C6orf132: variants seen among roughly 807,000 people sequenced by gnomAD.
C6orf132 encodes the protein uncharacterized protein C6orf132.
In C6orf132, 43 loss-of-function variants were observed where a neutral mutation model predicts 65.3. That is an observed-to-expected ratio of 0.66 (90% confidence interval 0.52 to 0.85). C6orf132 has a LOEUF of 0.85. Among genes scored for constraint, C6orf132 ranks in the 40% least tolerant of loss-of-function variants. The probability of loss-of-function intolerance (pLI) is 0.00; values close to 1 mark genes in which losing one functional copy is unlikely to be tolerated. For synonymous variants in C6orf132, 631 were observed against 654.1 expected (o/e 0.96, Z 0.54); for missense variants, 1,488 against 1,548.8 (o/e 0.96, Z 0.66).
rs1766739125 is a variant in C6orf132, at chr6:42,124,767, A to G, written c.252+3905T>C. Reference sequence around the variant, plus strand: ...CCTTCTGGCCTTCTGTCCCTGCTGAAAGAAAGCAAAGGACCTGGCTAGGGC... The same window carrying G: ...CCTTCTGGCCTTCTGTCCCTGCTGAGAGAAAGCAAAGGACCTGGCTAGGGC... On this transcript the variant is annotated intron_variant, in intron 2 of 4. Coordinates refer to ENST00000341865, the MANE Select transcript of C6orf132 (RefSeq NM_001164446.3). The surrounding 1 kb of genome is among the most constrained non-coding windows in gnomAD (Gnocchi z 4.0). 6.6e-6 allele frequency among the ~76,000 whole-genome samples: 1 copy of G among 152,204 alleles called. No individual in the cohort carries two copies. Among genetic ancestry groups the G allele is most frequent in the Non-Finnish European group, 1.5e-5 (1 of 68,032 alleles).
Position 42,101,568 on chromosome 6 carries a change from T to A in C6orf132, c.*2193A>T. On this transcript the variant is annotated 3_prime_UTR_variant, in exon 5 of 5. Coordinates refer to ENST00000341865, the MANE Select transcript of C6orf132 (RefSeq NM_001164446.3). ...GGAGGCCAGTCCAAACTGGCCTGTTTATCTTCCAAGTCAAGTGAGACTCAG... is the reference window on the plus strand; with the variant it reads ...GGAGGCCAGTCCAAACTGGCCTGTTAATCTTCCAAGTCAAGTGAGACTCAG... 1 of 152,240 alleles carries A rather than the reference T, an allele frequency of 6.6e-6. No homozygotes were observed. Among genetic ancestry groups the A allele is most frequent in the East Asian group, 1.9e-4 (1 of 5,194 alleles). 9.4% of individuals were successfully genotyped at this position (152,240 alleles called of 1,614,324 possible). A position where few individuals can be genotyped will look rare whatever the true frequency, so the allele number is the denominator to read the frequency against.
chr6:42,117,534 G>A (rs1026088786), intron 2 of C6orf132, among the ~76,000 whole-genome samples: 1 of 152,162 alleles, frequency 6.6e-6, no homozygotes, highest in Non-Finnish European at 1.5e-5. Flanking sequence ...CTCGGTGATG[G>A]CTGCTTCTTT....
chr6:42,107,847 CAGA>C (rs1766438456), intron 3 of C6orf132, among the ~76,000 whole-genome samples: 1 of 152,070 alleles, frequency 6.6e-6, no homozygotes, highest in Non-Finnish European at 1.5e-5. Flanking sequence ...TTTGCCTCCC[CAGA>C]GTCACCCTCT....
In C6orf132 at chr6:42,104,924, A is replaced by C; in HGVS notation, c.2988T>G (p.Pro996=). ...IPPPPEFSND[P]EPPAPALQYL... is the part of the protein sequence containing the mutation. The stretch of plus-strand genomic sequence containing the variant: ...ACTGGAGGGCCGGGGCCGGGGGCTC[A>C]GGGTCATTGCTGAACTCTGGCGGCG... The change falls in exon 4 of 5, where the codon CCT becomes CCG. Residue 996 remains proline, a synonymous_variant. Coordinates refer to ENST00000341865, the MANE Select transcript of C6orf132 (RefSeq NM_001164446.3). This position sits in a 1 kb window ranked among gnomAD's most constrained non-coding sequence, Gnocchi z 4.1. 1 of 1,464,274 alleles carries C rather than the reference A, an allele frequency of 6.8e-7. No homozygotes were observed. Among genetic ancestry groups the C allele is most frequent in the South Asian group, 1.4e-5 (1 of 72,606 alleles). The allele number at this position is 1,464,274 out of a possible 1,614,324, so 90.7% of individuals were successfully genotyped here.
chr6:42,138,512 C>G (rs966057398), intron 1 of C6orf132, among the ~76,000 whole-genome samples: 1 of 152,162 alleles, frequency 6.6e-6, no homozygotes, highest in Non-Finnish European at 1.5e-5. Context: ...CCAGGCTGCC[C>G]TCAAACTCCC....
rs374613134 is a variant in C6orf132 at position 42,102,134 on chromosome 6, G to C, written c.*1627C>G. Reference sequence around the variant, plus strand: ...CAGGACTTTTTTGAAAAGTGGAAGGGGGTCTAATTCACTGGAAAACAAGCA... The same window carrying C: ...CAGGACTTTTTTGAAAAGTGGAAGGCGGTCTAATTCACTGGAAAACAAGCA... On this transcript the variant is annotated 3_prime_UTR_variant, in exon 5 of 5. Transcript: ENST00000341865. 5.3e-5 allele frequency: 8 copies of C among 152,092 alleles called. No individual in the cohort carries two copies. Among genetic ancestry groups the C allele is most frequent in the African/African-American group, 1.9e-4 (8 of 41,378 alleles). The allele number at this position is 152,092 out of a possible 1,614,324, so 9.4% of individuals were successfully genotyped here. A position where few individuals can be genotyped will look rare whatever the true frequency, so the allele number is the denominator to read the frequency against.
chr6:42,117,715 A>G, intron 2 of C6orf132, among the ~76,000 whole-genome samples: 1 of 152,124 alleles, frequency 6.6e-6, no homozygotes, highest in Admixed American at 6.5e-5. Context: ...TGAGGTCAAG[A>G]GTTCGAGACC....
intron 1 of C6orf132, among the ~76,000 whole-genome samples, chr6:42,132,577 C>T (rs758646399): frequency 1.0e-4 from 15 of 150,146 alleles, no homozygotes; most frequent in African/African-American, 3.2e-4. Context: ...GGGCTGGGCG[C>T]GGTGGCTCAC....
intron 1 of C6orf132, among the ~76,000 whole-genome samples, chr6:42,129,475 A>G (rs556103950): frequency 2.0e-5 from 3 of 152,334 alleles, no homozygotes; most frequent in Admixed American, 6.5e-5. Flanking sequence ...ATAGTGCCGT[A>G]TAGCACTGTT....
Position 42,103,726 on chromosome 6 carries a change from C to A in C6orf132, c.*35G>T. The A allele has an allele frequency of 7.9e-7, 1 of 1,270,774 alleles. No individual in the cohort carries two copies. The highest frequency in any genetic ancestry group is 1.5e-5 in the African/African-American group (1 of 64,554). 78.7% of individuals were successfully genotyped at this position (1,270,774 alleles called of 1,614,324 possible). A position where few individuals can be genotyped will look rare whatever the true frequency, so the allele number is the denominator to read the frequency against. On this transcript the variant is annotated 3_prime_UTR_variant, in exon 5 of 5. Coordinates refer to ENST00000341865, the MANE Select transcript of C6orf132 (RefSeq NM_001164446.3). ...ACAAGTGCCCAGATCCTTAAAGACACAGTTTGTTGGAGTAGAGCTAAGAGA... is the reference window on the plus strand; with the variant it reads ...ACAAGTGCCCAGATCCTTAAAGACAAAGTTTGTTGGAGTAGAGCTAAGAGA...
chr6:42,132,154 T>C (rs557376505), intron 1 of C6orf132, among the ~76,000 whole-genome samples: 6 of 152,298 alleles, frequency 3.9e-5, no homozygotes, highest in African/African-American at 1.2e-4. Context: ...AACACCTTAA[T>C]TGAGCCCACA....
In C6orf132 at chr6:42,102,902, T is replaced by A. The variant is rs182486908; in HGVS notation, c.*859A>T. The A allele has an allele frequency of 4.0e-3, 1,590 of 396,754 alleles. 4 individuals carry two copies. The highest frequency in any genetic ancestry group is 5.9e-3 in the Non-Finnish European group (1,319 of 225,468). The allele number at this position is 396,754 out of a possible 1,614,324, so 24.6% of individuals were successfully genotyped here. A position where few individuals can be genotyped will look rare whatever the true frequency, so the allele number is the denominator to read the frequency against. On this transcript the variant is annotated 3_prime_UTR_variant, in exon 5 of 5. Transcript: ENST00000341865. The stretch of plus-strand genomic sequence containing the variant: ...CCAAATCCCATATGAGACCTGGCCA[T>A]GTAAGGCCCCTAGTGTCAAGCCTAA...
chr6:42,107,465 C>T lies in C6orf132; in HGVS notation c.447G>A (p.Gly149=), dbSNP rs1207241762. The change falls in exon 4 of 5, where the codon GGG becomes GGA. Residue 149 remains glycine, a synonymous_variant. Transcript: ENST00000341865. ...GAGGTTCTGAAATGTCCTGAGGGGG[C>T]CCTGGGGCTGGGCCTGGGGGAGGTG... ...IPPPPPGPAP[G]PPQDISEPPG... is the part of the protein sequence containing the mutation. 4 of 1,538,138 alleles carry T rather than the reference C, an allele frequency of 2.6e-6. No homozygotes were observed. Among genetic ancestry groups the T allele is most frequent in the Non-Finnish European group, 3.5e-6 (4 of 1,141,250 alleles).
At chr6:42,136,859 G>A (rs1766951205) in intron 1 of C6orf132, among the ~76,000 whole-genome samples, 1 of 152,060 alleles carries the variant, frequency 6.6e-6, no homozygotes, top group Admixed American at 6.6e-5. Context: ...AGAGGAGGAC[G>A]GAACAGAAAC....
rs368279430 is a variant in C6orf132, at chr6:42,119,627, G to A, written c.252+9045C>T. Among the ~76,000 whole-genome samples, 30 of 151,916 alleles carry A rather than the reference G, an allele frequency of 2.0e-4. 3 individuals carry two copies. The highest frequency in any genetic ancestry group is 1.2e-3 in the South Asian group (6 of 4,808). ...CTCCCAAAGTGCTGAGATTACAGGC[G>A]TGAGCCACTGCACCCAGCCTGTCCA... On this transcript the variant is annotated intron_variant, in intron 2 of 4. Coordinates refer to ENST00000341865, the MANE Select transcript of C6orf132 (RefSeq NM_001164446.3).
chr6:42,118,752 A>G (rs1409916617), intron 2 of C6orf132, among the ~76,000 whole-genome samples: 1 of 152,122 alleles, frequency 6.6e-6, no homozygotes, highest in Non-Finnish European at 1.5e-5. Flanking sequence ...ACTGGGCCTC[A>G]GCACTTCCTC....
chr6:42,134,193 G>A (rs1350044257), intron 1 of C6orf132, among the ~76,000 whole-genome samples: 2 of 152,198 alleles, frequency 1.3e-5, no homozygotes, highest in African/African-American at 2.4e-5. Flanking sequence ...GAGCCCAGCT[G>A]AACTTGGGTT....
At chr6:42,122,533 A>G (rs1418693329) in intron 2 of C6orf132, among the ~76,000 whole-genome samples, 3 of 152,170 alleles carry the variant, frequency 2.0e-5, no homozygotes, top group Non-Finnish European at 4.4e-5. Flanking sequence ...AGGTGGGTAG[A>G]GAAGGGGGTG....
chr6:42,137,776 C>T (rs376268344), intron 1 of C6orf132, among the ~76,000 whole-genome samples: 1,747 of 148,200 alleles, frequency 0.012, 17 homozygotes, highest in Non-Finnish European at 0.016. Flanking sequence ...CGGTGGCTCA[C>T]GCCTGTAAAT....
Sources: allele counts gnomAD v4.1 joint callset (sites outside exome capture counted in the v4.1 genomes callset), GRCh38; gene constraint gnomAD v4.1.1; non-coding constraint Gnocchi (gnomAD v3.1); transcripts MANE v1.5; gene names NCBI Gene and HGNC (gene_info 2026-07-23, HGNC 2026-07-21).